BAZ2B: variants seen among roughly 807,000 people sequenced by gnomAD.
BAZ2B encodes bromodomain adjacent to zinc finger domain 2B, also known as bromodomain adjacent to zinc finger domain protein 2B.
Under a neutral mutation model 246.0 loss-of-function variants are expected in BAZ2B, and 91 were observed. The ratio of observed to expected loss-of-function variants is 0.37; its 90% CI spans 0.31 to 0.44. BAZ2B has a LOEUF of 0.44. Among genes scored for constraint, BAZ2B ranks in the 20% least tolerant of loss-of-function variants. The pLI, the probability that BAZ2B is intolerant of heterozygous loss-of-function variation, is 1.00. For missense variants in BAZ2B, 2,332 were observed against 2,533.7 expected (o/e 0.92, Z 1.71); for synonymous variants, 855 against 860.0 (o/e 0.99, Z 0.10).
At chr2:159,620,126 T>C (rs981577335), upstream of BAZ2B, among the ~76,000 whole-genome samples, 1 of 152,222 alleles carries the variant, frequency 6.6e-6, no homozygotes, top group Non-Finnish European at 1.5e-5. Context: ...AATAGGTAGA[T>C]ATAGAGTTGG....
At chr2:159,641,888 A>G in the BAZ2B span, among the ~76,000 whole-genome samples, 4 of 152,258 alleles carry the variant, frequency 2.6e-5, no homozygotes, top group African/African-American at 9.6e-5. Flanking sequence ...CTCTGCTCAC[A>G]AGGTAAACTC....
intron 2 of BAZ2B, among the ~76,000 whole-genome samples, chr2:159,507,625 A>T (rs1165825323): frequency 1.3e-5 from 2 of 152,188 alleles, no homozygotes; most frequent in Non-Finnish European, 2.9e-5. Context: ...GCACTAAAAC[A>T]TTAGGAATCA....
intron 14 of BAZ2B, among the ~76,000 whole-genome samples, chr2:159,406,635 A>G (rs1338876956): frequency 6.6e-6 from 1 of 152,234 alleles, no homozygotes; most frequent in Non-Finnish European, 1.5e-5. Context: ...CCACTGAACA[A>G]AGAAACCTAA....
chr2:159,606,660 T>C (rs1265957238), intron 1 of BAZ2B, among the ~76,000 whole-genome samples: 1 of 152,182 alleles, frequency 6.6e-6, no homozygotes, highest in Non-Finnish European at 1.5e-5. Flanking sequence ...TAAAAAATGG[T>C]TACATAAAAG....
chr2:159,382,441 C>G, intron 25 of BAZ2B, 118 bp downstream of exon 25: 3 of 1,105,868 alleles, frequency 2.7e-6, no homozygotes, highest in African/African-American at 1.6e-5. Context: ...GATGAGGAAA[C>G]TGAGGCAAGT....
chr2:159,374,656 T>C, intron 26 of BAZ2B, 35 bp downstream of exon 26: 1 of 1,566,356 alleles, frequency 6.4e-7, no homozygotes, highest in Non-Finnish European at 8.8e-7. Context: ...TAAAACACTG[T>C]GAAGAAGTTA....
rs1690230823 is a variant in BAZ2B at position 159,594,671 on chromosome 2, G to A, written c.-46+21571C>T. On this transcript the variant is annotated intron_variant, in intron 1 of 36. Transcript: ENST00000392783. ...TCTTGACATGTAATCTTGTTTTGTT[G>A]CCCAGGATGGAGTGCAGTGGCGTGA... is the stretch of plus-strand genomic sequence containing the variant. Among the ~76,000 whole-genome samples the A allele has an allele frequency of 4.0e-5, 6 of 149,940 alleles. No homozygotes were observed. In the South Asian group the frequency reaches 1.3e-3, roughly 31 times the overall value.
the BAZ2B span, among the ~76,000 whole-genome samples, chr2:159,654,212 T>C: frequency 2.6e-5 from 4 of 152,194 alleles, no homozygotes; most frequent in African/African-American, 9.6e-5. Context: ...AGTAATATTC[T>C]GAGGAAACCA....
At chr2:159,635,217 TA>T in the BAZ2B span, among the ~76,000 whole-genome samples, 14 of 152,200 alleles carry the variant, frequency 9.2e-5, 1 homozygote, top group Admixed American at 7.9e-4. Flanking sequence ...CCTTGGAATT[TA>T]GATCATTCCC....
upstream of BAZ2B, among the ~76,000 whole-genome samples, chr2:159,619,719 C>T (rs1696356380): frequency 6.6e-6 from 1 of 151,488 alleles, no homozygotes; most frequent in Admixed American, 6.6e-5. Flanking sequence ...TATTTGATAC[C>T]TTCTTACTAA....
At chr2:159,337,904 T>C (rs1018369763) in intron 31 of BAZ2B, 132 bp from the exon 32 acceptor site, 24 of 839,708 alleles carry the variant, frequency 2.9e-5, no homozygotes, top group Non-Finnish European at 3.8e-5. Flanking sequence ...TTACCTTGTG[T>C]TTCCTAAAAC....
At chr2:159,704,459 CCTCCCTCT>C in the BAZ2B span, among the ~76,000 whole-genome samples, 3 of 123,158 alleles carry the variant, frequency 2.4e-5, no homozygotes, top group African/African-American at 6.7e-5. Context: ...TCCCTCCCTC[CCTCCCTCT>C]CTATCTTTCT....
chr2:159,401,476 G>A (rs1315204714), intron 16 of BAZ2B, among the ~76,000 whole-genome samples: 2 of 152,102 alleles, frequency 1.3e-5, no homozygotes, highest in Admixed American at 6.5e-5. Context: ...TGACACAATT[G>A]TAACATTATT....
the BAZ2B span, chr2:159,695,015 G>A: frequency 3.9e-5 from 6 of 152,064 alleles, no homozygotes; most frequent in African/African-American, 1.4e-4. Context: ...AGCCATATTA[G>A]TGTGTGTGAA....
At chr2:159,445,260 G>T (rs1050128622) in intron 6 of BAZ2B, among the ~76,000 whole-genome samples, 3 of 151,952 alleles carry the variant, frequency 2.0e-5, no homozygotes, top group African/African-American at 7.3e-5. Context: ...AATCTGAACA[G>T]GAAAAATTTA....
the BAZ2B span, among the ~76,000 whole-genome samples, chr2:159,681,436 C>T: frequency 7.7e-6 from 1 of 130,330 alleles, no homozygotes; most frequent in African/African-American, 2.7e-5. Context: ...AGACCAGACA[C>T]AGTTTGACCA....
At chr2:159,661,077 T>G in the BAZ2B span, among the ~76,000 whole-genome samples, 1 of 151,950 alleles carries the variant, frequency 6.6e-6, no homozygotes, top group Admixed American at 6.6e-5. Context: ...CCTTTTGTAA[T>G]CCTCTTTCCC....
intron 3 of BAZ2B, among the ~76,000 whole-genome samples, chr2:159,455,970 T>C (rs1027407653): frequency 2.0e-5 from 3 of 151,992 alleles, no homozygotes; most frequent in Non-Finnish European, 4.4e-5. Context: ...GTTCTTTTCT[T>C]TCTCCATCAA....
intron 33 of BAZ2B, among the ~76,000 whole-genome samples, chr2:159,336,101 C>T (rs1335349224): frequency 2.0e-5 from 3 of 152,022 alleles, no homozygotes; most frequent in Non-Finnish European, 4.4e-5. Context: ...GCAGAGGTTG[C>T]AGTGAGCCAA....
Sources: gnomAD v4.1 joint callset for allele counts (sites outside exome capture counted in the v4.1 genomes callset) on GRCh38, gnomAD v4.1.1 for gene constraint, MANE v1.5 for transcripts, NCBI Gene and HGNC (gene_info 2026-07-23, HGNC 2026-07-21) for gene names.